SLC2A13: variants seen among roughly 807,000 people sequenced by gnomAD.
SLC2A13 encodes solute carrier family 2 member 13.
In SLC2A13, 32 loss-of-function variants were observed where a neutral mutation model predicts 64.4. That is an observed-to-expected ratio of 0.50 (90% confidence interval 0.37 to 0.67). The LOEUF is 0.67. Among genes scored for constraint, SLC2A13 ranks in the 30% least tolerant of loss-of-function variants. The pLI, the probability that SLC2A13 is intolerant of heterozygous loss-of-function variation, is 0.00. For missense variants in SLC2A13, 743 were observed against 829.2 expected (o/e 0.90, Z 1.28); for synonymous variants, 338 against 327.1 (o/e 1.03, Z -0.36).
chr12:40,098,035 ATATGTATATATG>A (rs1276947819), intron 1 of SLC2A13, among the ~76,000 whole-genome samples: 54 of 151,142 alleles, frequency 3.6e-4, no homozygotes, highest in South Asian at 1.0e-3. Flanking sequence ...ATGTATGTAT[ATATGTATATATG>A]TGTATATATG....
chr12:40,050,202 T>C (rs1948232778), intron 1 of SLC2A13, among the ~76,000 whole-genome samples: 1 of 151,948 alleles, frequency 6.6e-6, no homozygotes, highest in South Asian at 2.1e-4. Context: ...AACAATAATT[T>C]ACAACTTGGA....
intron 6 of SLC2A13, among the ~76,000 whole-genome samples, chr12:39,842,811 C>T (rs1056552965): frequency 2.6e-5 from 4 of 151,958 alleles, no homozygotes; most frequent in Admixed American, 2.6e-4. Flanking sequence ...CACGAATCTA[C>T]TCTTTGTCTC....
intron 4 of SLC2A13, among the ~76,000 whole-genome samples, chr12:39,908,984 TAAAG>T (rs893119832): frequency 6.7e-6 from 1 of 149,868 alleles, no homozygotes; most frequent in African/African-American, 2.4e-5. Context: ...TTAATAAGCA[TAAAG>T]AAAGAGTTTT....
intron 7 of SLC2A13, among the ~76,000 whole-genome samples, chr12:39,811,079 AT>A (rs1419180246): frequency 6.6e-6 from 1 of 151,988 alleles, no homozygotes; most frequent in Non-Finnish European, 1.5e-5. Flanking sequence ...TACAAATTTG[AT>A]TTTTTAAATA....
At chr12:39,968,627 T>C (rs1565567019) in intron 3 of SLC2A13, among the ~76,000 whole-genome samples, 2 of 151,780 alleles carry the variant, frequency 1.3e-5, no homozygotes, top group Non-Finnish European at 1.5e-5. Context: ...AATCCCTCTA[T>C]CCCAAGTCTA....
intron 9 of SLC2A13, among the ~76,000 whole-genome samples, chr12:39,763,629 G>A (rs140178064): frequency 4.9e-4 from 75 of 152,110 alleles, no homozygotes; most frequent in African/African-American, 1.5e-3. Flanking sequence ...AAGAGATTGC[G>A]GGGAGATGAG....
intron 3 of SLC2A13, among the ~76,000 whole-genome samples, chr12:39,965,781 A>G (rs1414633106): frequency 6.6e-6 from 1 of 152,144 alleles, no homozygotes; most frequent in Non-Finnish European, 1.5e-5. Flanking sequence ...AGGCAAACCT[A>G]TGATATATCA....
At position 39,911,090 on chromosome 12, in the gene SLC2A13, AAAAC is replaced by A. The variant is rs373601888; in HGVS notation, c.1035-39133_1035-39130del. On this transcript the variant is annotated intron_variant, in intron 4 of 9. Coordinates refer to ENST00000280871, the MANE Select transcript of SLC2A13 (RefSeq NM_052885.4). ...CAAGAGTGAAACTTCCTCTCAAAAC[AAAAC>A]AAACAAACAAAAATTAGGTCAGAAA... Among the ~76,000 whole-genome samples the A allele has an allele frequency of 2.7e-3, 411 of 152,174 alleles. 6 individuals carry two copies. In the South Asian group the frequency reaches 0.039, roughly 15 times the overall value.
At chr12:39,989,759 G>C (rs1947099944) in intron 3 of SLC2A13, among the ~76,000 whole-genome samples, 2 of 152,130 alleles carry the variant, frequency 1.3e-5, no homozygotes, top group African/African-American at 4.8e-5. Flanking sequence ...GACTTTTAAT[G>C]TTCTAGTTGA....
intron 4 of SLC2A13, among the ~76,000 whole-genome samples, chr12:39,946,998 G>A (rs1946147137): frequency 6.6e-6 from 1 of 152,144 alleles, no homozygotes. Flanking sequence ...GCAGGAATGG[G>A]CTGCTTGGGA....
chr12:39,817,209 T>C (rs1942364075), intron 7 of SLC2A13, among the ~76,000 whole-genome samples: 1 of 152,208 alleles, frequency 6.6e-6, no homozygotes, highest in African/African-American at 2.4e-5. Flanking sequence ...AACAAATTCA[T>C]TAGAAAGTCT....
At chr12:39,930,840 G>A (rs1204779845) in intron 4 of SLC2A13, among the ~76,000 whole-genome samples, 1 of 152,092 alleles carries the variant, frequency 6.6e-6, no homozygotes, top group Non-Finnish European at 1.5e-5. Context: ...AGCAAATTAG[G>A]CAAACTCATT....
At chr12:39,891,689 C>T (rs1592247406) in intron 4 of SLC2A13, among the ~76,000 whole-genome samples, 1 of 152,070 alleles carries the variant, frequency 6.6e-6, no homozygotes, top group East Asian at 1.9e-4. Context: ...TATTAGAAAC[C>T]TGGTGGCTCA....
intron 3 of SLC2A13, among the ~76,000 whole-genome samples, chr12:40,008,549 C>T (rs1421952669): frequency 6.6e-6 from 1 of 151,160 alleles, no homozygotes; most frequent in Non-Finnish European, 1.5e-5. Context: ...AGGCGGAGCT[C>T]GCTGTGAGCA....
chr12:39,941,792 T>G (rs1256694723), intron 4 of SLC2A13, among the ~76,000 whole-genome samples: 1 of 152,224 alleles, frequency 6.6e-6, no homozygotes, highest in Admixed American at 6.5e-5. Context: ...CCTAAGCCAG[T>G]GTCTTGAAGG....
At chr12:39,977,857 G>T (rs1467743786) in intron 3 of SLC2A13, among the ~76,000 whole-genome samples, 2 of 152,184 alleles carry the variant, frequency 1.3e-5, no homozygotes, top group African/African-American at 2.4e-5. Flanking sequence ...TCAATCCAGG[G>T]CCTTGGCTCA....
chr12:39,827,463 C>T (rs1012303932), intron 7 of SLC2A13, among the ~76,000 whole-genome samples: 1 of 152,192 alleles, frequency 6.6e-6, no homozygotes, highest in African/African-American at 2.4e-5. Flanking sequence ...GCATTAAAAA[C>T]TCTAACCTCT....
intron 3 of SLC2A13, among the ~76,000 whole-genome samples, chr12:39,960,897 G>A (rs974656985): frequency 2.0e-5 from 3 of 150,018 alleles, no homozygotes; most frequent in Non-Finnish European, 3.0e-5. Context: ...ACAGGCGCTC[G>A]CCACCACAGC....
intron 3 of SLC2A13, among the ~76,000 whole-genome samples, chr12:40,022,385 T>C (rs1417918594): frequency 6.6e-6 from 1 of 152,208 alleles, no homozygotes; most frequent in Admixed American, 6.5e-5. Flanking sequence ...ATCTGAAACA[T>C]TAGCTAGTGC....
Sources: gnomAD v4.1 joint callset for allele counts (sites outside exome capture counted in the v4.1 genomes callset) on GRCh38, gnomAD v4.1.1 for gene constraint, MANE v1.5 for transcripts, NCBI Gene and HGNC (gene_info 2026-07-23, HGNC 2026-07-21) for gene names.